Variants in TAFA5 observed in about 807,000 individuals in gnomAD.
TAFA5 encodes TAFA chemokine like family member 5, also known as chemokine-like protein TAFA-5.
TAFA5 carries 6 observed loss-of-function variants against 15.3 expected under a neutral mutation model. That is an observed-to-expected ratio of 0.39 (90% CI 0.21 to 0.77). The LOEUF (loss-of-function observed/expected upper bound fraction) is 0.77, where lower values mean the gene tolerates loss of function less well. Among genes scored for constraint, TAFA5 ranks in the 30% least tolerant of loss-of-function variants. The pLI is 0.41. For synonymous variants in TAFA5, 103 were observed against 80.7 expected (o/e 1.28, Z -1.48); for missense variants, 161 against 193.1 (o/e 0.83, Z 0.98).
At chr22:48,693,464 C>G in intron 2 of TAFA5, 1 of 1,589,802 alleles carries the variant, frequency 6.3e-7, no homozygotes, top group Non-Finnish European at 8.6e-7. Context: ...ATGGCTGTGA[C>G]TCAACCATGG....
At chr22:48,539,244 G>A in intron 1 of TAFA5, 1 of 395,184 alleles carries the variant, frequency 2.5e-6, no homozygotes, top group South Asian at 1.9e-5. Context: ...AGACAGGACT[G>A]GCCCAGCCAG....
chr22:48,655,548 T>C (rs989417733), intron 2 of TAFA5, among the ~76,000 whole-genome samples: 1 of 152,124 alleles, frequency 6.6e-6, no homozygotes, highest in Admixed American at 6.5e-5. Context: ...AGTCAAGTCC[T>C]TTTACAGCAT....
chr22:48,628,732 C>A (rs1014437976), intron 1 of TAFA5, among the ~76,000 whole-genome samples: 1 of 152,218 alleles, frequency 6.6e-6, no homozygotes, highest in South Asian at 2.1e-4. Context: ...GATTTTAGGC[C>A]CCTTCGTAGG....
At chr22:48,576,328 A>G in intron 1 of TAFA5, 2 of 964,042 alleles carry the variant, frequency 2.1e-6, no homozygotes, top group Non-Finnish European at 2.5e-6. Context: ...CGCCTCCCGG[A>G]GTGGCGCCTC....
chr22:48,646,494 G>C (rs1269135409), intron 1 of TAFA5, 103 bp from the exon 2 acceptor site: 3 of 1,430,550 alleles, frequency 2.1e-6, no homozygotes, highest in Non-Finnish European at 2.8e-6. Context: ...CTGCCCTGTG[G>C]CCTGGCTGCT....
At chr22:48,722,755 C>T (rs1390348154) in intron 3 of TAFA5, among the ~76,000 whole-genome samples, 1 of 152,188 alleles carries the variant, frequency 6.6e-6, no homozygotes, top group African/African-American at 2.4e-5. Flanking sequence ...TGGGTGCACG[C>T]CACAGGGGCA....
At position 48,594,820 on chromosome 22, in the gene TAFA5, G is replaced by T. The variant is rs899563508; in HGVS notation, c.113-51777G>T. Among the ~76,000 whole-genome samples, 6 of 152,206 alleles carry T rather than the reference G, an allele frequency of 3.9e-5. No individual in the cohort carries two copies. In the East Asian group the frequency reaches 5.8e-4, roughly 15 times the overall value. On this transcript the variant is annotated intron_variant, in intron 1 of 3. Transcript: ENST00000402357. ...GACGGGCGCCCTGCCAGGATGCTCC[G>T]CTGTCTCTCAGCCCCGGAGGCAAGT... is the stretch of plus-strand genomic sequence containing the variant.
chr22:48,730,120 T>C (rs1330660762), intron 3 of TAFA5, among the ~76,000 whole-genome samples: 2 of 152,142 alleles, frequency 1.3e-5, no homozygotes, highest in South Asian at 2.1e-4. Context: ...CACGGTGGCT[T>C]ACGCCTGTAA....
chr22:48,643,794 C>G (rs960667334), intron 1 of TAFA5, among the ~76,000 whole-genome samples: 1 of 152,208 alleles, frequency 6.6e-6, no homozygotes, highest in Non-Finnish European at 1.5e-5. Context: ...GCAGCTGGCC[C>G]TGGGGTGGCC....
chr22:48,707,990 C>A (rs577351237), intron 3 of TAFA5, 146 bp downstream of exon 3: 2 of 1,082,082 alleles, frequency 1.8e-6, no homozygotes, highest in East Asian at 4.8e-5. Flanking sequence ...TCTCCTCCCC[C>A]ACCTCCCTCT....
intron 2 of TAFA5, among the ~76,000 whole-genome samples, chr22:48,685,162 G>A (rs534599838): frequency 2.0e-5 from 3 of 152,314 alleles, no homozygotes; most frequent in African/African-American, 7.2e-5. Flanking sequence ...ATTGGCAATT[G>A]GTTGAAAGAG....
intron 1 of TAFA5, among the ~76,000 whole-genome samples, chr22:48,502,128 G>C (rs915780113): frequency 6.6e-6 from 1 of 152,298 alleles, no homozygotes; most frequent in East Asian, 1.9e-4. Flanking sequence ...CCAGTTTTAT[G>C]ACAATGAACA....
chr22:48,670,340 A>C (rs1927762791), intron 2 of TAFA5, among the ~76,000 whole-genome samples: 1 of 152,148 alleles, frequency 6.6e-6, no homozygotes, highest in African/African-American at 2.4e-5. Context: ...CAGGGTTTGG[A>C]ACGTTCTTTT....
intron 3 of TAFA5, among the ~76,000 whole-genome samples, chr22:48,744,027 C>T (rs527296667): frequency 3.3e-5 from 5 of 152,324 alleles, no homozygotes; most frequent in East Asian, 3.9e-4. Flanking sequence ...GGTTTGCCGT[C>T]GGGGAAGCTC....
In TAFA5 at chr22:48,682,088, T is replaced by C. The variant is rs1271724829; in HGVS notation, c.263-25629T>C. On this transcript the variant is annotated intron_variant, in intron 2 of 3. Transcript: ENST00000402357. ...CCATTCGTGGAGCACAGTGGGTGTT[T>C]GATGACAAATCACAACTTCTGCACC... is the stretch of plus-strand genomic sequence containing the variant. 1.3e-5 allele frequency among the ~76,000 whole-genome samples: 2 copies of C among 151,734 alleles called. 1 individual carries two copies. The highest frequency in any genetic ancestry group is 2.9e-5 in the Non-Finnish European group (2 of 67,884).
At chr22:48,572,671 A>C (rs1267979268) in intron 1 of TAFA5, among the ~76,000 whole-genome samples, 3 of 152,208 alleles carry the variant, frequency 2.0e-5, no homozygotes, top group African/African-American at 7.2e-5. Context: ...CTCAGGACAA[A>C]CTAAAAATAC....
chr22:48,597,957 A>G (rs137913597), intron 1 of TAFA5, among the ~76,000 whole-genome samples: 1 of 152,222 alleles, frequency 6.6e-6, no homozygotes, highest in Admixed American at 6.5e-5. Flanking sequence ...CCGGCCCTCC[A>G]TGGTGGGGGG....
At chr22:48,553,831 C>A (rs1922939463) in intron 1 of TAFA5, among the ~76,000 whole-genome samples, 1 of 152,104 alleles carries the variant, frequency 6.6e-6, no homozygotes, top group Non-Finnish European at 1.5e-5. Flanking sequence ...TTGTCAAGGC[C>A]CCTGGAATCC....
chr22:48,739,217 A>G (rs1930112282), intron 3 of TAFA5, among the ~76,000 whole-genome samples: 1 of 152,196 alleles, frequency 6.6e-6, no homozygotes, highest in South Asian at 2.1e-4. Flanking sequence ...GAGGAAATAT[A>G]CCATTGGAAA....
Sources: allele counts gnomAD v4.1 joint callset (sites outside exome capture counted in the v4.1 genomes callset), GRCh38; gene constraint gnomAD v4.1.1; transcripts MANE v1.5; gene names NCBI Gene and HGNC (gene_info 2026-07-23, HGNC 2026-07-21).